The following OLFM1 variants were observed in gnomAD, a reference collection of about 807,000 sequenced individuals.
OLFM1 encodes olfactomedin 1.
A neutral mutation model predicts 49.7 loss-of-function variants in OLFM1; 9 were observed. The ratio of observed to expected loss-of-function variants is 0.18; its 90% CI spans 0.11 to 0.32. The LOEUF (loss-of-function observed/expected upper bound fraction) is 0.32. Ranked by LOEUF, OLFM1 falls within the 10% of genes least tolerant of loss-of-function variation. The pLI is 1.00. For synonymous variants in OLFM1, 240 were observed against 271.8 expected, an observed-to-expected ratio of 0.88 and a Z score of 1.15; for missense variants, 369 against 661.8, an observed-to-expected ratio of 0.56 and a Z score of 4.85.
chr9:135,092,088 C>T (rs913072326), intron 2 of OLFM1, among the ~76,000 whole-genome samples: 1 of 152,250 alleles, frequency 6.6e-6, no homozygotes, highest in Non-Finnish European at 1.5e-5. Flanking sequence ...GGTGCTGTCA[C>T]TGCCCACCTC....
At chr9:135,077,103 A>G in intron 1 of OLFM1, 2 of 1,550,510 alleles carry the variant, frequency 1.3e-6, no homozygotes, top group South Asian at 1.2e-5. Context: ...GGCCTGGTGG[A>G]GGGTGGTGGT....
intron 4 of OLFM1, among the ~76,000 whole-genome samples, chr9:135,102,195 C>T (rs1830879726): frequency 6.6e-6 from 1 of 152,198 alleles, no homozygotes; most frequent in Admixed American, 6.5e-5. Context: ...GGCTCTGGCA[C>T]CATGCCCTAC....
rs75083670 is a variant in OLFM1, at chr9:135,092,405, C to T, written c.300+2061C>T. On this transcript the variant is annotated intron_variant, in intron 2 of 5. Coordinates refer to ENST00000371793, the MANE Select transcript of OLFM1 (RefSeq NM_001282611.2). Reference sequence around the variant, plus strand: ...TGGCCTAGTTCGTAAAGCACGCTCACCTTGAAGGAATAGAATTTGTTTTTT... The same window carrying T: ...TGGCCTAGTTCGTAAAGCACGCTCATCTTGAAGGAATAGAATTTGTTTTTT... Among the ~76,000 whole-genome samples the T allele has an allele frequency of 2.8e-3, 424 of 152,276 alleles. 1 individual carries two copies. Among genetic ancestry groups the T allele is most frequent in the African/African-American group, 9.8e-3 (409 of 41,550 alleles).
At position 135,090,436 on chromosome 9, in the gene OLFM1, AGGCTTGGCTAGCT is replaced by A. The variant is rs1830669479; in HGVS notation, c.300+93_300+105del. The A allele has an allele frequency of 2.2e-6, 3 of 1,338,758 alleles. No homozygotes were observed. The African/African-American group carries it at 4.3e-5, about 19-fold the overall frequency. The allele number at this position is 1,338,758 out of a possible 1,614,324, so 82.9% of individuals were successfully genotyped here. A position where few individuals can be genotyped will look rare whatever the true frequency, so the allele number is the denominator to read the frequency against. On this transcript the variant is annotated intron_variant, in intron 2 of 5. Transcript: ENST00000371793. Reference sequence around the variant, plus strand: ...TGCCTGTGTGCTCACACCAGCACCAAGGCTTGGCTAGCTTGCAGGCCCCATTTTGACTCTTTCC... The same window carrying A: ...TGCCTGTGTGCTCACACCAGCACCAATGCAGGCCCCATTTTGACTCTTTCC...
chr9:135,107,045 G>A (rs567541386), intron 5 of OLFM1, among the ~76,000 whole-genome samples, 190 bp downstream of exon 5: 2 of 152,330 alleles, frequency 1.3e-5, no homozygotes, highest in East Asian at 3.9e-4. Context: ...ATCCAGAGCT[G>A]TAGATCATGG....
At chr9:135,076,455 G>T in intron 1 of OLFM1, 1 of 1,428,848 alleles carries the variant, frequency 7.0e-7, no homozygotes, top group Non-Finnish European at 9.2e-7. Flanking sequence ...CGGGCTTGTC[G>T]TACCCTGAAC....
rs926155264 is a variant in OLFM1, at chr9:135,080,853, GCTGTCCCGA to G, written c.96+5055_96+5063del. Among the ~76,000 whole-genome samples, 3 of 152,090 alleles carry G rather than the reference GCTGTCCCGA, an allele frequency of 2.0e-5. No individual in the cohort carries two copies. The highest frequency in any genetic ancestry group is 4.4e-5 in the Non-Finnish European group (3 of 68,032). Reference sequence around the variant, plus strand: ...ACCCTGCACGCTCGGAAACCTCAGCGCTGTCCCGACTGGCACCGCAGGGCGACCGAAGGG... The same window carrying G: ...ACCCTGCACGCTCGGAAACCTCAGCGCTGGCACCGCAGGGCGACCGAAGGG... On this transcript the variant is annotated intron_variant, in intron 1 of 5. Transcript: ENST00000252854. This position sits in a 1 kb window ranked among gnomAD's most constrained non-coding sequence, Gnocchi z 4.5.
rs893334322 is a variant in OLFM1 at position 135,113,561 on chromosome 9, G to A, written c.784-5943G>A. Among the ~76,000 whole-genome samples, 57 of 152,180 alleles carry A rather than the reference G, an allele frequency of 3.7e-4. No individual in the cohort carries two copies. The highest frequency in any genetic ancestry group is 1.3e-3 in the African/African-American group (52 of 41,442). ...TCCCCAGGTCTCGCTGGAGACTGGC[G>A]GTGGCTGGCGGTGGAGGCGCTTCTT... On this transcript the variant is annotated intron_variant, in intron 5 of 5. Coordinates refer to ENST00000371793, the MANE Select transcript of OLFM1 (RefSeq NM_001282611.2). This position sits in a 1 kb window ranked among gnomAD's most constrained non-coding sequence, Gnocchi z 4.0.
intron 3 of OLFM1, 29 bp downstream of exon 3, chr9:135,096,048 C>G: frequency 7.9e-7 from 1 of 1,267,566 alleles, no homozygotes; most frequent in Non-Finnish European, 1.1e-6. Flanking sequence ...CTCTCCCTCC[C>G]CTTATCCTCC....
rs1830655217 is a variant in OLFM1, at chr9:135,089,797, A to T, written c.151-398A>T. ...TACGGGAAGGATATCCTGTTTCTGA[A>T]ATACGTGCCCGCTGCAAGCCACCCA... is the stretch of plus-strand genomic sequence containing the variant. On this transcript the variant is annotated intron_variant, in intron 1 of 5. Transcript: ENST00000371793. 2.0e-5 allele frequency among the ~76,000 whole-genome samples: 3 copies of T among 152,066 alleles called. No homozygotes were observed. In the South Asian group the frequency reaches 6.2e-4, roughly 32 times the overall value.
At chr9:135,105,473 G>T (rs1007259451) in intron 4 of OLFM1, among the ~76,000 whole-genome samples, 3 of 152,246 alleles carry the variant, frequency 2.0e-5, no homozygotes, top group African/African-American at 7.2e-5. Flanking sequence ...CTTGTGTGAT[G>T]CCAGTAACAG....
Position 135,120,288 on chromosome 9 carries a change from A to G in OLFM1, c.*110A>G, listed in dbSNP as rs1483107876. Reference sequence around the variant, plus strand: ...CTAACAATACCGATCTTGAAAAATCATCAGCAGTGCGGATTCTGACATCGA... The same window carrying G: ...CTAACAATACCGATCTTGAAAAATCGTCAGCAGTGCGGATTCTGACATCGA... On this transcript the variant is annotated 3_prime_UTR_variant, in exon 6 of 6. Transcript: ENST00000371793. 2.1e-6 allele frequency: 2 copies of G among 957,958 alleles called. No individual in the cohort carries two copies. The highest frequency in any genetic ancestry group is 3.3e-5 in the African/African-American group (2 of 60,428). The allele number at this position is 957,958 out of a possible 1,614,324, so 59.3% of individuals were successfully genotyped here.
chr9:135,118,603 A>ATGCTCACTGGGTCTTTGGAG (rs1831133770), intron 5 of OLFM1, among the ~76,000 whole-genome samples: 1 of 111,476 alleles, frequency 9.0e-6, no homozygotes, highest in African/African-American at 3.6e-5. Context: ...GTCTTTGGAA[A>ATGCTCACTGGGTCTTTGGAG]TGCTCACTGG....
At chr9:135,076,241 T>C (rs1164068509) in intron 1 of OLFM1, 2 of 1,550,574 alleles carry the variant, frequency 1.3e-6, no homozygotes, top group Admixed American at 3.9e-5. Flanking sequence ...ATCCTCCCTT[T>C]GGGCATAACG....
At chr9:135,076,937 G>T in intron 1 of OLFM1, 2 of 1,550,644 alleles carry the variant, frequency 1.3e-6, no homozygotes, top group Non-Finnish European at 1.7e-6. Flanking sequence ...CCCTGGCTCT[G>T]CCCAGGATGT....
At position 135,098,392 on chromosome 9, in the gene OLFM1, T is replaced by A; in HGVS notation, c.563T>A (p.Leu188Gln). ...CAGTTTAAAGAGGAGGTCCAGAATCTGACGTCAGTGCTTAACGAGCTGCAA... is the reference window on the plus strand; with the variant it reads ...CAGTTTAAAGAGGAGGTCCAGAATCAGACGTCAGTGCTTAACGAGCTGCAA... ...VLQFKEEVQN[L>Q]TSVLNELQEE... Residue 188 changes from leucine (L) to glutamine (Q), a missense_variant, in exon 4 of 6, where the codon CTG becomes CAG. Leu to Gln is a moderately radical substitution (Grantham distance 113). Around this residue, in one of 3 missense-constraint regions of OLFM1, gnomAD observed 294 missense variants for 567.5 expected, o/e 0.52. Coordinates refer to ENST00000371793, the MANE Select transcript of OLFM1 (RefSeq NM_001282611.2). This position sits in a 1 kb window ranked among gnomAD's most constrained non-coding sequence, Gnocchi z 5.6. 1 of 1,613,976 alleles carries A rather than the reference T, an allele frequency of 6.2e-7. No homozygotes were observed. The highest frequency in any genetic ancestry group is 1.1e-5 in the South Asian group (1 of 91,092).
chr9:135,111,086 A>G (rs1255044474), intron 5 of OLFM1, among the ~76,000 whole-genome samples: 1 of 152,242 alleles, frequency 6.6e-6, no homozygotes, highest in Non-Finnish European at 1.5e-5. Context: ...CCACGTTCTC[A>G]GTAAACTGCA....
intron 3 of OLFM1, among the ~76,000 whole-genome samples, chr9:135,096,256 CCCTCTCCTTCTT>C (rs1326389121): frequency 2.5e-4 from 35 of 140,222 alleles, no homozygotes; most frequent in Non-Finnish European, 3.5e-4. Flanking sequence ...TCTTCCTCCT[CCCTCTCCTTCTT>C]CTCCTCCTCT....
intron 1 of OLFM1, among the ~76,000 whole-genome samples, chr9:135,078,857 G>A (rs755487918): frequency 1.4e-4 from 21 of 152,300 alleles, no homozygotes; most frequent in Non-Finnish European, 2.8e-4. Flanking sequence ...TTCTCACCCC[G>A]ATCCCACCAG....
Sources: allele counts gnomAD v4.1 joint callset (sites outside exome capture counted in the v4.1 genomes callset), GRCh38; gene constraint gnomAD v4.1.1; regional missense constraint gnomAD v4.1.1; non-coding constraint Gnocchi (gnomAD v3.1); transcripts MANE v1.5; gene names NCBI Gene and HGNC (gene_info 2026-07-23, HGNC 2026-07-21).